The following MIR2052HG variants were observed in gnomAD, a reference collection of about 807,000 sequenced individuals.
MIR2052HG encodes MIR2052 host gene.
intron 2 of MIR2052HG, among the ~76,000 whole-genome samples, chr8:74,674,148 G>C (rs1304159624): frequency 2.0e-5 from 3 of 151,124 alleles, no homozygotes; most frequent in Non-Finnish European, 4.4e-5. Flanking sequence ...GTGTGTGTGT[G>C]TGTGTGTGTG....
At chr8:74,612,931 G>A in exon 2 of MIR2052HG, 1 of 456,224 alleles carries the variant, frequency 2.2e-6, no homozygotes, top group Admixed American at 2.3e-5. Context: ...ATCCAGAACT[G>A]GAGTGGAAGG....
intron 2 of MIR2052HG, among the ~76,000 whole-genome samples, chr8:74,668,949 C>A (rs1298263986): frequency 6.6e-6 from 1 of 152,114 alleles, no homozygotes; most frequent in African/African-American, 2.4e-5. Context: ...TTTCTTGTCA[C>A]AGCTCTTGAT....
intron 2 of MIR2052HG, among the ~76,000 whole-genome samples, chr8:74,648,360 T>C (rs2128735900): frequency 6.6e-6 from 1 of 152,312 alleles, no homozygotes; most frequent in Non-Finnish European, 1.5e-5. Flanking sequence ...TGAATTCTAG[T>C]CAGAATGGTT....
At chr8:74,716,165 C>A (rs762095454) in intron 4 of MIR2052HG, among the ~76,000 whole-genome samples, 2 of 152,118 alleles carry the variant, frequency 1.3e-5, no homozygotes, top group Non-Finnish European at 2.9e-5. Context: ...GCCACCTGAA[C>A]AGTGAGGAAG....
At chr8:74,739,111 T>A (rs1029894077) in intron 4 of MIR2052HG, among the ~76,000 whole-genome samples, 1 of 152,160 alleles carries the variant, frequency 6.6e-6, no homozygotes, top group Non-Finnish European at 1.5e-5. Context: ...ATTAGAGTAG[T>A]GTGTATTTAT....
chr8:74,711,375 T>C (rs1809466366), intron 4 of MIR2052HG, among the ~76,000 whole-genome samples: 1 of 152,234 alleles, frequency 6.6e-6, no homozygotes, highest in South Asian at 2.1e-4. Flanking sequence ...CAATGCCTTG[T>C]GTATGTAGGA....
intron 2 of MIR2052HG, among the ~76,000 whole-genome samples, chr8:74,700,821 T>G (rs1050425831): frequency 2.0e-5 from 3 of 152,146 alleles, no homozygotes; most frequent in Non-Finnish European, 4.4e-5. Context: ...ATATGTTCTA[T>G]CCCACTAAAT....
chr8:74,652,451 G>T (rs1049161629), intron 2 of MIR2052HG, among the ~76,000 whole-genome samples: 1 of 152,232 alleles, frequency 6.6e-6, no homozygotes, highest in South Asian at 2.1e-4. Context: ...TTGCAAATTG[G>T]CATTGAACAT....
intron 4 of MIR2052HG, among the ~76,000 whole-genome samples, chr8:74,731,868 G>A (rs1009403405): frequency 6.6e-6 from 1 of 152,096 alleles, no homozygotes; most frequent in Non-Finnish European, 1.5e-5. Flanking sequence ...AAGCATATGG[G>A]CCAATACAGA....
At chr8:74,650,122 A>C (rs1373771758) in intron 2 of MIR2052HG, among the ~76,000 whole-genome samples, 1 of 152,190 alleles carries the variant, frequency 6.6e-6, no homozygotes, top group Non-Finnish European at 1.5e-5. Flanking sequence ...ACACACAATA[A>C]TATAAGCATA....
At chr8:74,733,090 T>TTTA (rs1809710749) in intron 4 of MIR2052HG, among the ~76,000 whole-genome samples, 1 of 143,728 alleles carries the variant, frequency 7.0e-6, no homozygotes. Flanking sequence ...TTATTTATTT[T>TTTA]ATTATTATAC....
intron 2 of MIR2052HG, among the ~76,000 whole-genome samples, chr8:74,646,706 T>A (rs1226415660): frequency 1.3e-5 from 2 of 152,092 alleles, no homozygotes; most frequent in East Asian, 3.9e-4. Context: ...GATGGATAGA[T>A]CACTTGAGCC....
At chr8:74,632,192 C>G (rs1347207850) in intron 2 of MIR2052HG, among the ~76,000 whole-genome samples, 9 of 152,144 alleles carry the variant, frequency 5.9e-5, no homozygotes, top group African/African-American at 2.2e-4. Context: ...GGCATCCCTC[C>G]CCTTGAGCTG....
intron 2 of MIR2052HG, among the ~76,000 whole-genome samples, chr8:74,673,910 T>C (rs60177660): frequency 0.022 from 2,992 of 133,252 alleles, 163 homozygotes; most frequent in African/African-American, 0.059. Context: ...TATATATATA[T>C]ACACACACAA....
At chr8:74,702,430 AGAT>A in exon 3 of MIR2052HG, 1 of 454,816 alleles carries the variant, frequency 2.2e-6, no homozygotes, top group East Asian at 7.0e-5. Context: ...TCTGATTTGA[AGAT>A]GATGAAGAAA....
intron 2 of MIR2052HG, among the ~76,000 whole-genome samples, chr8:74,698,596 A>C (rs544918544): frequency 8.7e-4 from 132 of 152,336 alleles, no homozygotes; most frequent in Middle Eastern, 3.4e-3. Flanking sequence ...GATAATCTTC[A>C]CAAACTATGG....
chr8:74,699,611 T>C (rs565410164), intron 2 of MIR2052HG, among the ~76,000 whole-genome samples: 81 of 152,100 alleles, frequency 5.3e-4, no homozygotes, highest in Non-Finnish European at 7.7e-4. Context: ...GTAAGAATGA[T>C]ACAAAGGACT....
chr8:74,600,669 G>C (rs200149453), intron 1 of MIR2052HG, among the ~76,000 whole-genome samples: 1 of 151,444 alleles, frequency 6.6e-6, no homozygotes, highest in Admixed American at 6.6e-5. Context: ...TCTGCCTCCC[G>C]GGTTCAAGTG....
chr8:74,692,078 GTTTC>G (rs772128036), intron 2 of MIR2052HG, among the ~76,000 whole-genome samples: 4 of 152,090 alleles, frequency 2.6e-5, no homozygotes, highest in African/African-American at 9.7e-5. Context: ...TGAATTAAAT[GTTTC>G]TTTCTTTTCT....
Sources: allele counts gnomAD v4.1 joint callset (sites outside exome capture counted in the v4.1 genomes callset), GRCh38; gene constraint gnomAD v4.1.1; transcripts MANE v1.5; gene names NCBI Gene and HGNC (gene_info 2026-07-23, HGNC 2026-07-21).